ANKRD28: variants seen among roughly 807,000 people sequenced by gnomAD.
ANKRD28 encodes the protein serine/threonine-protein phosphatase 6 regulatory ankyrin repeat subunit A.
Under a neutral mutation model 126.5 loss-of-function variants are expected in ANKRD28, and 44 were observed. The observed-to-expected ratio is 0.35, with a 90% confidence interval of 0.27 to 0.45. The LOEUF (loss-of-function observed/expected upper bound fraction) is 0.45. ANKRD28 is among the 20% of genes least tolerant of loss of function. The pLI, the probability that ANKRD28 is intolerant of heterozygous loss-of-function variation, is 1.00. For missense variants in ANKRD28, 1,110 were observed against 1,316.6 expected, an observed-to-expected ratio of 0.84 and a Z score of 2.43; for synonymous variants, 442 against 468.5, an observed-to-expected ratio of 0.94 and a Z score of 0.73.
At chr3:15,834,758 A>G (rs573787018) in intron 1 of ANKRD28, among the ~76,000 whole-genome samples, 250 of 152,354 alleles carry the variant, frequency 1.6e-3, no homozygotes, top group Admixed American at 4.5e-3. Context: ...AGCTATTTAT[A>G]CATTTATAGA....
chr3:15,853,227 A>G lies in ANKRD28; in HGVS notation c.27+6150T>C, dbSNP rs954604240. ...TTGTTACTGATTTGATATGATGTGA[A>G]CCGCCCATAGGATACATTATTCAAA... On this transcript the variant is annotated intron_variant, in intron 1 of 27. Coordinates refer to the ANKRD28 transcript ENST00000399451. The surrounding 1 kb of genome is among the most constrained non-coding windows in gnomAD (Gnocchi z 4.2). 2.6e-5 allele frequency among the ~76,000 whole-genome samples: 4 copies of G among 152,126 alleles called. No individual in the cohort carries two copies. The highest frequency in any genetic ancestry group is 6.5e-5 in the Admixed American group (1 of 15,268).
At chr3:15,730,335 G>C (rs2074490859) in intron 6 of ANKRD28, among the ~76,000 whole-genome samples, 1 of 152,196 alleles carries the variant, frequency 6.6e-6, no homozygotes, top group Non-Finnish European at 1.5e-5. Context: ...AGAAGAAAAT[G>C]ATCAATTCAT....
In ANKRD28 at chr3:15,817,793, T is replaced by G. The variant is rs2060862457; in HGVS notation, c.28-22487A>C. Among the ~76,000 whole-genome samples the G allele has an allele frequency of 6.6e-6, 1 of 151,966 alleles. No individual in the cohort carries two copies. ...GAAAGAAAGAGCACTGCCATAAGGG[T>G]AGAAGGAATAAGGGATATATAGTTT... On this transcript the variant is annotated intron_variant, in intron 1 of 27. Transcript: ENST00000399451. The surrounding 1 kb of genome is among the most constrained non-coding windows in gnomAD (Gnocchi z 4.5).
rs2060348202 is a variant in ANKRD28, at chr3:15,797,882, G to A, written c.-1361C>T. Reference sequence around the variant, plus strand: ...ATAGAACCTCAGTATCAGTCCCACAGAAGCATTCCAACGGAGCAACAGTCT... The same window carrying A: ...ATAGAACCTCAGTATCAGTCCCACAAAAGCATTCCAACGGAGCAACAGTCT... On this transcript the variant is annotated 5_prime_UTR_variant, in exon 1 of 28. Coordinates refer to ENST00000683139, the MANE Select transcript of ANKRD28 (RefSeq NM_001349278.2). 2.0e-6 allele frequency: 2 copies of A among 985,388 alleles called. No homozygotes were observed. Among genetic ancestry groups the A allele is most frequent in the Non-Finnish European group, 2.4e-6 (2 of 829,942 alleles). The allele number at this position is 985,388 out of a possible 1,614,324, so 61.0% of individuals were successfully genotyped here.
At chr3:15,829,813 C>G (rs1255211459) in intron 1 of ANKRD28, among the ~76,000 whole-genome samples, 2 of 151,966 alleles carry the variant, frequency 1.3e-5, no homozygotes, top group Non-Finnish European at 2.9e-5. Flanking sequence ...TTGACAGTGG[C>G]TTTCCTTGAA....
rs974799273 is a variant in ANKRD28, at chr3:15,815,136, C to G, written c.28-19830G>C. Among the ~76,000 whole-genome samples the G allele has an allele frequency of 7.9e-5, 12 of 150,976 alleles. No individual in the cohort carries two copies. Among genetic ancestry groups the G allele is most frequent in the African/African-American group, 2.9e-4 (12 of 41,120 alleles). ...TATATATTCTTGTATAATACTTTTCCCAAGATAAAAAATAAAATTCCCACA... is the reference window on the plus strand; with the variant it reads ...TATATATTCTTGTATAATACTTTTCGCAAGATAAAAAATAAAATTCCCACA... On this transcript the variant is annotated intron_variant, in intron 1 of 27. Transcript: ENST00000399451. This position sits in a 1 kb window ranked among gnomAD's most constrained non-coding sequence, Gnocchi z 4.1.
chr3:15,724,598 T>C, intron 6 of ANKRD28, 74 bp from the exon 7 acceptor site: 1 of 1,382,628 alleles, frequency 7.2e-7, no homozygotes, highest in Non-Finnish European at 9.7e-7. Context: ...CAAATATCTT[T>C]AAGCAAATTT....
chr3:15,701,869 C>T (rs2070682210), intron 14 of ANKRD28, among the ~76,000 whole-genome samples: 1 of 152,066 alleles, frequency 6.6e-6, no homozygotes, highest in Non-Finnish European at 1.5e-5. Context: ...ACAGTGCTCA[C>T]TGGGATGCAG....
chr3:15,851,625 T>C (rs910882269), intron 1 of ANKRD28, among the ~76,000 whole-genome samples: 12 of 152,044 alleles, frequency 7.9e-5, no homozygotes, highest in African/African-American at 1.4e-4. Context: ...AGGATGGCTA[T>C]AATTTAAGAC....
Position 15,704,529 on chromosome 3 carries a change from C to T in ANKRD28, c.1547+3395G>A, listed in dbSNP as rs141782577. 1.6e-3 allele frequency among the ~76,000 whole-genome samples: 238 copies of T among 152,114 alleles called. 2 individuals are homozygous for T. Among genetic ancestry groups the T allele is most frequent in the Admixed American group, 5.4e-3 (83 of 15,264 alleles). On this transcript the variant is annotated intron_variant, in intron 14 of 27. Transcript: ENST00000683139. ...AAAAACCATTTAAAAAACAAATAAG[C>T]AAATGTACATTACTGAATAATAGCA...
intron 2 of ANKRD28, among the ~76,000 whole-genome samples, chr3:15,767,326 A>G (rs2058784849): frequency 6.6e-6 from 1 of 150,898 alleles, no homozygotes; most frequent in Non-Finnish European, 1.5e-5. Flanking sequence ...AACTATTCAG[A>G]AATACTCACA....
chr3:15,744,787 T>C (rs1470656488), intron 4 of ANKRD28, among the ~76,000 whole-genome samples: 6 of 152,200 alleles, frequency 3.9e-5, no homozygotes, highest in Non-Finnish European at 8.8e-5. Context: ...CTGGATCAAA[T>C]GGTAGATTTA....
At chr3:15,684,566 T>C (rs1436101583) in intron 21 of ANKRD28, 1 of 152,214 alleles carries the variant, frequency 6.6e-6, no homozygotes, top group African/African-American at 2.4e-5. Context: ...TGGTTATTTT[T>C]CCCCTAATAT....
chr3:15,859,304 C>T, intron 1 of ANKRD28: 1 of 1,506,432 alleles, frequency 6.6e-7, no homozygotes. Context: ...GTCCCAGCGG[C>T]CCACACCGCC....
intron 9 of ANKRD28, among the ~76,000 whole-genome samples, chr3:15,714,192 A>C (rs2072693580): frequency 6.6e-6 from 1 of 152,212 alleles, no homozygotes; most frequent in African/African-American, 2.4e-5. Flanking sequence ...AACTCAAGAA[A>C]TTAAAATCCT....
At chr3:15,744,438 T>C (rs1019387199) in intron 4 of ANKRD28, among the ~76,000 whole-genome samples, 1 of 151,412 alleles carries the variant, frequency 6.6e-6, no homozygotes, top group African/African-American at 2.4e-5. Flanking sequence ...GCCTCCAGAG[T>C]AGCTGAAACT....
chr3:15,819,890 C>G (rs2060906596), intron 1 of ANKRD28, among the ~76,000 whole-genome samples: 1 of 152,054 alleles, frequency 6.6e-6, no homozygotes, highest in Non-Finnish European at 1.5e-5. Flanking sequence ...GGTTTAGAAC[C>G]AATCATAGGG....
At chr3:15,712,894 A>G (rs1182395185) in intron 10 of ANKRD28, among the ~76,000 whole-genome samples, 3 of 152,240 alleles carry the variant, frequency 2.0e-5, no homozygotes. Context: ...GTGCAGTACC[A>G]TACCATTACA....
At chr3:15,778,782 G>T (rs2059412886) in intron 2 of ANKRD28, among the ~76,000 whole-genome samples, 1 of 152,192 alleles carries the variant, frequency 6.6e-6, no homozygotes, top group Non-Finnish European at 1.5e-5. Flanking sequence ...GTTTGGCTCT[G>T]TATCCCTACC....
Sources: gnomAD v4.1 joint callset for allele counts (sites outside exome capture counted in the v4.1 genomes callset) on GRCh38, gnomAD v4.1.1 for gene constraint, Gnocchi (gnomAD v3.1) non-coding constraint, MANE v1.5 for transcripts, NCBI Gene and HGNC (gene_info 2026-07-23, HGNC 2026-07-21) for gene names.